CCSER1: variants seen among roughly 807,000 people sequenced by gnomAD.
The protein encoded by CCSER1 is serine-rich coiled-coil domain-containing protein 1.
In CCSER1, 41 loss-of-function variants were observed where a neutral mutation model predicts 82.0. That is an observed-to-expected ratio of 0.50 (90% CI 0.39 to 0.65). CCSER1 has a LOEUF of 0.65. Ranked by LOEUF, CCSER1 falls within the 30% of genes least tolerant of loss-of-function variation. The pLI is 0.00. For missense variants in CCSER1, 1,119 were observed against 1,064.2 expected (o/e 1.05, Z -0.72); for synonymous variants, 414 against 383.9 (o/e 1.08, Z -0.92).
chr4:90,303,765 CA>C (rs1332469569), intron 1 of CCSER1, among the ~76,000 whole-genome samples: 3 of 152,056 alleles, frequency 2.0e-5, no homozygotes, highest in African/African-American at 7.2e-5. Flanking sequence ...TCTAAAACAC[CA>C]AAAACAATGG....
chr4:91,008,360 T>A (rs543545487), intron 9 of CCSER1, among the ~76,000 whole-genome samples: 1 of 152,336 alleles, frequency 6.6e-6, no homozygotes, highest in African/African-American at 2.4e-5. Context: ...TATTGATATT[T>A]GCTTTATATA....
At chr4:90,895,030 C>G (rs1458460514) in intron 8 of CCSER1, among the ~76,000 whole-genome samples, 1 of 151,694 alleles carries the variant, frequency 6.6e-6, no homozygotes, top group Non-Finnish European at 1.5e-5. Flanking sequence ...TACTTTGTCC[C>G]TAGGTTGATT....
intron 10 of CCSER1, among the ~76,000 whole-genome samples, chr4:91,355,544 G>A (rs183249583): frequency 1.1e-3 from 165 of 152,264 alleles, no homozygotes; most frequent in Middle Eastern, 3.4e-3. Flanking sequence ...TAGGACTGTA[G>A]CAATTTTTTG....
intron 1 of CCSER1, among the ~76,000 whole-genome samples, chr4:90,282,374 A>G (rs1238688864): frequency 6.6e-6 from 1 of 151,686 alleles, no homozygotes; most frequent in Non-Finnish European, 1.5e-5. Context: ...AGTGTTAAGT[A>G]AAAGTGATAT....
intron 8 of CCSER1, among the ~76,000 whole-genome samples, chr4:90,893,399 A>G (rs1228023493): frequency 6.6e-6 from 1 of 152,070 alleles, no homozygotes; most frequent in Non-Finnish European, 1.5e-5. Flanking sequence ...CAGCCCCCAC[A>G]TACTTTCACC....
At chr4:90,486,368 C>T (rs1382205134) in intron 5 of CCSER1, among the ~76,000 whole-genome samples, 2 of 152,124 alleles carry the variant, frequency 1.3e-5, no homozygotes, top group African/African-American at 4.8e-5. Context: ...TATAATTTTC[C>T]TCAGTCTTCT....
At chr4:91,492,943 G>C (rs1171443213) in intron 10 of CCSER1, among the ~76,000 whole-genome samples, 1 of 151,956 alleles carries the variant, frequency 6.6e-6, no homozygotes, top group Non-Finnish European at 1.5e-5. Context: ...AGTATGACTA[G>C]ACACATGAGT....
chr4:90,514,801 A>G (rs1249431548), intron 5 of CCSER1, among the ~76,000 whole-genome samples: 1 of 152,104 alleles, frequency 6.6e-6, no homozygotes, highest in Non-Finnish European at 1.5e-5. Flanking sequence ...AATAATATAT[A>G]TGATTACATA....
intron 5 of CCSER1, among the ~76,000 whole-genome samples, chr4:90,593,163 A>G (rs573570106): frequency 6.6e-6 from 1 of 152,254 alleles, no homozygotes; most frequent in African/African-American, 2.4e-5. Context: ...TTTTAATCAC[A>G]TCATAGGAAA....
Position 91,043,672 on chromosome 4 carries a change from C to T in CCSER1, c.2173-42278C>T, listed in dbSNP as rs1217022713. On this transcript the variant is annotated intron_variant, in intron 9 of 10. Coordinates refer to ENST00000509176, the MANE Select transcript of CCSER1 (RefSeq NM_001145065.2). ...GTGGTGTGATCTCAGCTCACTGCAA[C>T]CTCCACTTCCCGGGTTCATGCGATT... 3.3e-5 allele frequency among the ~76,000 whole-genome samples: 5 copies of T among 149,424 alleles called. No homozygotes were observed. In the South Asian group the frequency reaches 8.5e-4, roughly 25 times the overall value.
intron 8 of CCSER1, among the ~76,000 whole-genome samples, chr4:90,866,149 G>C (rs983594936): frequency 6.6e-6 from 1 of 151,800 alleles, no homozygotes; most frequent in African/African-American, 2.4e-5. Flanking sequence ...GATTTGAGTG[G>C]CAACAGAGAT....
chr4:91,087,255 C>T (rs1281199814), intron 10 of CCSER1, among the ~76,000 whole-genome samples: 2 of 152,050 alleles, frequency 1.3e-5, no homozygotes, highest in Admixed American at 6.6e-5. Flanking sequence ...CTCGGCTTCT[C>T]CTTGCTGCTT....
chr4:90,337,144 A>C (rs1347814279), intron 3 of CCSER1, among the ~76,000 whole-genome samples: 1 of 152,248 alleles, frequency 6.6e-6, no homozygotes, highest in Non-Finnish European at 1.5e-5. Context: ...AGGTGGTTGA[A>C]TGAAGAAAGC....
At chr4:91,044,072 C>T (rs1356018195) in intron 9 of CCSER1, among the ~76,000 whole-genome samples, 3 of 152,004 alleles carry the variant, frequency 2.0e-5, no homozygotes, top group Non-Finnish European at 4.4e-5. Context: ...CTAAAGAAAC[C>T]ACTAGTGAAA....
intron 7 of CCSER1, among the ~76,000 whole-genome samples, chr4:90,744,758 A>T (rs62312983): frequency 0.057 from 8,649 of 152,132 alleles, 354 homozygotes; most frequent in Admixed American, 0.11. Context: ...AACTGCACGT[A>T]CAAGGGATCT....
At chr4:91,180,806 A>G (rs1733947172) in intron 10 of CCSER1, among the ~76,000 whole-genome samples, 1 of 152,250 alleles carries the variant, frequency 6.6e-6, no homozygotes, top group Non-Finnish European at 1.5e-5. Flanking sequence ...CAGAGCTGAG[A>G]GCCCCTAACA....
At chr4:90,610,159 A>G (rs1216182263) in intron 5 of CCSER1, among the ~76,000 whole-genome samples, 1 of 152,012 alleles carries the variant, frequency 6.6e-6, no homozygotes, top group Non-Finnish European at 1.5e-5. Context: ...AGGCTGAGGC[A>G]GGAGAATGGT....
At chr4:90,743,881 T>C (rs1746956884) in intron 7 of CCSER1, among the ~76,000 whole-genome samples, 1 of 152,174 alleles carries the variant, frequency 6.6e-6, no homozygotes, top group South Asian at 2.1e-4. Context: ...TGTACTCTCT[T>C]GTTAGCATTA....
chr4:90,320,453 A>G (rs1395184809), intron 3 of CCSER1, among the ~76,000 whole-genome samples: 4 of 152,196 alleles, frequency 2.6e-5, no homozygotes, highest in African/African-American at 9.6e-5. Flanking sequence ...ACATTGTTCC[A>G]GTGGAAGCAC....
Sources: gnomAD v4.1 joint callset for allele counts (sites outside exome capture counted in the v4.1 genomes callset) on GRCh38, gnomAD v4.1.1 for gene constraint, MANE v1.5 for transcripts, NCBI Gene and HGNC (gene_info 2026-07-23, HGNC 2026-07-21) for gene names.